CSMD1: variants seen among roughly 807,000 people sequenced by gnomAD.
CSMD1 encodes the protein CUB and sushi domain-containing protein 1.
CSMD1 carries 213 observed loss-of-function variants against 417.5 expected under a neutral mutation model. That is an observed-to-expected ratio of 0.51 (90% CI 0.46 to 0.57). CSMD1 has a LOEUF of 0.57. Ranked by LOEUF, CSMD1 falls within the 20% of genes least tolerant of loss-of-function variation. The pLI is 0.00. For missense variants in CSMD1, 6,923 were observed against 4,529.7 expected (o/e 1.53, Z -15.17); for synonymous variants, 2,862 against 1,736.8 (o/e 1.65, Z -16.11).
intron 5 of CSMD1, among the ~76,000 whole-genome samples, chr8:3,761,500 ATTTTTTTTTTTTT>A (rs57655479): frequency 2.1e-5 from 2 of 93,362 alleles, no homozygotes; most frequent in African/African-American, 4.0e-5. Context: ...CAAAACGACC[ATTTTTTTTTTTTT>A]TTTTTTTTTT....
chr8:3,980,911 A>G (rs920459252), intron 5 of CSMD1, among the ~76,000 whole-genome samples: 2 of 152,104 alleles, frequency 1.3e-5, no homozygotes, highest in African/African-American at 4.8e-5. Flanking sequence ...AAAATTCACA[A>G]TTGTTCTAAA....
chr8:4,084,931 T>C (rs28374004), intron 3 of CSMD1, among the ~76,000 whole-genome samples: 5,815 of 152,140 alleles, frequency 0.038, 239 homozygotes, highest in African/African-American at 0.1. Flanking sequence ...ACTACAAAAA[T>C]TGGTAATTTG....
chr8:4,597,711 T>G (rs1800362148), intron 2 of CSMD1, among the ~76,000 whole-genome samples: 1 of 152,144 alleles, frequency 6.6e-6, no homozygotes, highest in African/African-American at 2.4e-5. Flanking sequence ...GACCATCATG[T>G]TATATCACAT....
In CSMD1 at chr8:4,186,622, G is replaced by A. The variant is rs374526123; in HGVS notation, c.416-154523C>T. 6.2e-4 allele frequency among the ~76,000 whole-genome samples: 94 copies of A among 152,164 alleles called. 2 individuals carry two copies. In the South Asian group the frequency reaches 0.018, roughly 30 times the overall value. ...TCAGCCCCTCTCTCAATCTTCCAGG[G>A]GCTAAGAGGCTATTATTTTTAGATG... On this transcript the variant is annotated intron_variant, in intron 3 of 69. Coordinates refer to ENST00000635120, the MANE Select transcript of CSMD1 (RefSeq NM_033225.6).
chr8:3,023,231 C>T (rs749055373), intron 51 of CSMD1, among the ~76,000 whole-genome samples: 3 of 152,200 alleles, frequency 2.0e-5, no homozygotes, highest in Non-Finnish European at 2.9e-5. Context: ...CGGACACAGA[C>T]AGCCCAGAAT....
At chr8:4,977,720 G>A (rs1351417313) in intron 1 of CSMD1, among the ~76,000 whole-genome samples, 1 of 152,190 alleles carries the variant, frequency 6.6e-6, no homozygotes, top group Non-Finnish European at 1.5e-5. Context: ...TGAAAACTAA[G>A]TCACTAAGCT....
chr8:3,733,454 C>G (rs887812748), intron 6 of CSMD1, among the ~76,000 whole-genome samples: 4 of 151,290 alleles, frequency 2.6e-5, no homozygotes, highest in Non-Finnish European at 2.9e-5. Context: ...CACTAATCTT[C>G]ACTTATTCAA....
At chr8:4,399,220 T>A (rs1585015093) in intron 3 of CSMD1, among the ~76,000 whole-genome samples, 1 of 152,226 alleles carries the variant, frequency 6.6e-6, no homozygotes. Flanking sequence ...TTTAAATATA[T>A]GACAAACCGT....
intron 12 of CSMD1, among the ~76,000 whole-genome samples, chr8:3,466,802 G>A (rs900939773): frequency 6.6e-6 from 1 of 152,002 alleles, no homozygotes; most frequent in African/African-American, 2.4e-5. Context: ...TACGCATAAA[G>A]GTCACTTTTA....
intron 3 of CSMD1, among the ~76,000 whole-genome samples, chr8:4,257,696 T>C (rs1803561270): frequency 6.6e-6 from 1 of 152,222 alleles, no homozygotes. Context: ...GTATGGATTC[T>C]AACGTCAGTG....
intron 1 of CSMD1, among the ~76,000 whole-genome samples, chr8:4,946,354 G>C (rs547870018): frequency 4.6e-4 from 70 of 152,216 alleles, no homozygotes; most frequent in African/African-American, 1.6e-3. Flanking sequence ...GGGTGCTTTA[G>C]TCACCATTGA....
chr8:4,434,756 C>T (rs76979002), intron 2 of CSMD1, among the ~76,000 whole-genome samples: 5 of 152,116 alleles, frequency 3.3e-5, no homozygotes, highest in African/African-American at 1.2e-4. Context: ...AGCTCTTAGA[C>T]TGTCAAATAC....
chr8:4,229,898 T>C (rs1801607903), intron 3 of CSMD1, among the ~76,000 whole-genome samples: 1 of 152,190 alleles, frequency 6.6e-6, no homozygotes, highest in South Asian at 2.1e-4. Context: ...TCGCTTTGAG[T>C]GATACTCAAT....
At chr8:3,392,237 C>T (rs2649636) in intron 17 of CSMD1, among the ~76,000 whole-genome samples, 42,821 of 151,638 alleles carry the variant, frequency 0.28, 6,602 homozygotes, top group East Asian at 0.52. Flanking sequence ...CACATGTACC[C>T]TAAAACTTAA....
chr8:4,698,258 T>C (rs1187299494), intron 1 of CSMD1, among the ~76,000 whole-genome samples: 4 of 152,084 alleles, frequency 2.6e-5, no homozygotes, highest in East Asian at 3.9e-4. Flanking sequence ...TTAGTCAACA[T>C]GAAGAGCTGT....
At chr8:3,539,630 C>T (rs1798354096) in intron 10 of CSMD1, among the ~76,000 whole-genome samples, 1 of 152,114 alleles carries the variant, frequency 6.6e-6, no homozygotes, top group Non-Finnish European at 1.5e-5. Flanking sequence ...CCCAGCAAGG[C>T]TCCCTCCCCC....
At chr8:3,724,660 C>G (rs182441827) in intron 6 of CSMD1, among the ~76,000 whole-genome samples, 1 of 152,018 alleles carries the variant, frequency 6.6e-6, no homozygotes, top group Admixed American at 6.6e-5. Context: ...TGGGCTCAAC[C>G]ATGAGAATTC....
rs753727313 is a variant in CSMD1 at position 3,142,613 on chromosome 8, T to G, written c.6093A>C (p.Gln2031His). 5.0e-6 allele frequency: 8 copies of G among 1,613,882 alleles called. No individual in the cohort carries two copies. In the East Asian group the frequency reaches 1.3e-4, roughly 27 times the overall value. The change falls in exon 41 of 70, where the codon CAA (glutamine) becomes CAC (histidine). Residue 2031 changes from glutamine (Q) to histidine (H), a missense_variant. Coordinates refer to ENST00000635120, the MANE Select transcript of CSMD1 (RefSeq NM_033225.6). ...TEANHDFLEI[Q>H]NGPYHTSPMI... ...TGGGGCTGGTGTGGTAAGGTCCATTTTGAATTTCAAGGAAGTCATGATTAG... is the reference window on the plus strand; with the variant it reads ...TGGGGCTGGTGTGGTAAGGTCCATTGTGAATTTCAAGGAAGTCATGATTAG...
At chr8:3,257,487 A>G (rs979458030) in intron 26 of CSMD1, among the ~76,000 whole-genome samples, 2 of 152,214 alleles carry the variant, frequency 1.3e-5, no homozygotes, top group Non-Finnish European at 2.9e-5. Context: ...TATTATGGAT[A>G]TGGACAGTGA....
Sources: allele counts gnomAD v4.1 joint callset (sites outside exome capture counted in the v4.1 genomes callset), GRCh38; gene constraint gnomAD v4.1.1; transcripts MANE v1.5; gene names NCBI Gene and HGNC (gene_info 2026-07-23, HGNC 2026-07-21).